STAB2: variants seen among roughly 807,000 people sequenced by gnomAD.
STAB2 encodes the protein stabilin-2.
STAB2 carries 288 observed loss-of-function variants against 338.1 expected under a neutral mutation model. The ratio of observed to expected loss-of-function variants is 0.85; its 90% CI spans 0.77 to 0.94. STAB2 has a LOEUF of 0.94. Ranked by LOEUF, STAB2 falls within the 40% of genes least tolerant of loss-of-function variation. The pLI is 0.00. For synonymous variants in STAB2, 1,202 were observed against 1,193.3 expected (o/e 1.01, Z -0.15); for missense variants, 3,141 against 3,210.1 (o/e 0.98, Z 0.52).
Position 103,748,658 on chromosome 12 carries a change from A to T in STAB2, c.6245-305A>T, listed in dbSNP as rs186773579. 9.9e-5 allele frequency among the ~76,000 whole-genome samples: 14 copies of T among 141,988 alleles called. No homozygotes were observed. The East Asian group carries it at 2.8e-3, about 28-fold the overall frequency. 93.1% of individuals were successfully genotyped at this position (141,988 alleles called of 152,430 possible). A position where few individuals can be genotyped will look rare whatever the true frequency, so the allele number is the denominator to read the frequency against. ...CACACACACACACACACACACACAC[A>T]CTGTCCTAACATTAAAAATCCAAAT... On this transcript the variant is annotated intron_variant, in intron 58 of 68. Coordinates refer to ENST00000388887, the MANE Select transcript of STAB2 (RefSeq NM_017564.10).
chr12:103,710,722 TC>T (rs1376231273), intron 39 of STAB2, among the ~76,000 whole-genome samples: 1 of 152,166 alleles, frequency 6.6e-6, no homozygotes, highest in Admixed American at 6.5e-5. Flanking sequence ...GAGTCTAAAT[TC>T]CCTCCGACAC....
At position 103,588,392 on chromosome 12, in the gene STAB2, G is replaced by A. The variant is rs575021941; in HGVS notation, c.81+835G>A. 2.0e-5 allele frequency among the ~76,000 whole-genome samples: 3 copies of A among 152,188 alleles called. No homozygotes were observed. The South Asian group carries it at 6.2e-4, about 32-fold the overall frequency. On this transcript the variant is annotated intron_variant, in intron 1 of 68. Coordinates refer to ENST00000388887, the MANE Select transcript of STAB2 (RefSeq NM_017564.10). Reference sequence around the variant, plus strand: ...ATAGGTCTGAGGATCAGTCATGATCGTCCACAGCTGTTTGACCCTGAGCAC... The same window carrying A: ...ATAGGTCTGAGGATCAGTCATGATCATCCACAGCTGTTTGACCCTGAGCAC...
chr12:103,680,454 G>A (rs1008464197), intron 25 of STAB2, among the ~76,000 whole-genome samples: 1 of 152,226 alleles, frequency 6.6e-6, no homozygotes, highest in African/African-American at 2.4e-5. Context: ...TCTTGGCTCA[G>A]CTTCTTCCCA....
intron 1 of STAB2, among the ~76,000 whole-genome samples, chr12:103,590,221 A>G (rs1392347375): frequency 6.6e-6 from 1 of 152,220 alleles, no homozygotes; most frequent in African/African-American, 2.4e-5. Flanking sequence ...AACTGTTTCT[A>G]GCACATCTGA....
Position 103,631,233 on chromosome 12 carries a change from T to C in STAB2, c.488-365T>C, listed in dbSNP as rs1957456676. On this transcript the variant is annotated intron_variant, in intron 5 of 68. Coordinates refer to ENST00000388887, the MANE Select transcript of STAB2 (RefSeq NM_017564.10). ...CTGCTACCAACAGTGACTGAGTTAG[T>C]AGTAGCTTTTCTCTTTTAAACGTAA... is the stretch of plus-strand genomic sequence containing the variant. Among the ~76,000 whole-genome samples the C allele has an allele frequency of 2.0e-5, 3 of 152,198 alleles. No individual in the cohort carries two copies. In the South Asian group the frequency reaches 6.2e-4, roughly 32 times the overall value.
chr12:103,605,161 G>T (rs1185501297), intron 3 of STAB2, among the ~76,000 whole-genome samples: 2 of 151,656 alleles, frequency 1.3e-5, no homozygotes. Context: ...ATATATTCCT[G>T]CTATTGTTTC....
intron 44 of STAB2, among the ~76,000 whole-genome samples, chr12:103,723,624 T>G (rs1266422272): frequency 6.6e-6 from 1 of 152,158 alleles, no homozygotes; most frequent in African/African-American, 2.4e-5. Flanking sequence ...CCAGATAGCA[T>G]GTATCGTGAC....
chr12:103,713,180 AAGTGCTTAGAACAGACCC>A (rs1373663024), intron 41 of STAB2, among the ~76,000 whole-genome samples: 1 of 152,254 alleles, frequency 6.6e-6, no homozygotes, highest in Non-Finnish European at 1.5e-5. Context: ...AATACCTGTG[AAGTGCTTAGAACAGACCC>A]AGCACATAGA....
chr12:103,745,959 G>A (rs1194126074), intron 57 of STAB2, among the ~76,000 whole-genome samples: 2 of 152,162 alleles, frequency 1.3e-5, no homozygotes, highest in African/African-American at 4.8e-5. Flanking sequence ...AAATGTGCTG[G>A]TTGAATTATC....
Position 103,703,428 on chromosome 12 carries a change from A to G in STAB2, c.3843+152A>G, listed in dbSNP as rs1005125020. ...TCTTTGATGTGCCAAGGAGCATACC[A>G]GGCTGTGGTTCTACAAAGATACATA... On this transcript the variant is annotated intron_variant, in intron 35 of 68. Coordinates refer to ENST00000388887, the MANE Select transcript of STAB2 (RefSeq NM_017564.10). The G allele has an allele frequency of 3.9e-6, 4 of 1,027,906 alleles. No homozygotes were observed. The African/African-American group carries it at 4.9e-5, about 13-fold the overall frequency. 63.7% of individuals were successfully genotyped at this position (1,027,906 alleles called of 1,614,324 possible). A position where few individuals can be genotyped will look rare whatever the true frequency, so the allele number is the denominator to read the frequency against.
Position 103,727,298 on chromosome 12 carries a change from G to A in STAB2, c.4883G>A (p.Gly1628Asp), listed in dbSNP as rs1386140480. 5 of 1,614,122 alleles carry A rather than the reference G, an allele frequency of 3.1e-6. No individual in the cohort carries two copies. The highest frequency in any genetic ancestry group is 4.2e-6 in the Non-Finnish European group (5 of 1,180,036). The change falls in exon 47 of 69, where the codon GGC becomes GAC. Residue 1628 changes from glycine to aspartate, a missense_variant. Physicochemically the swap from Gly to Asp is moderately conservative, Grantham distance 94. Transcript: ENST00000388887. ...EHFVKDLVGPGPFTVFAPLSA... is the reference protein window; with the variant it reads ...EHFVKDLVGPDPFTVFAPLSA... ...TTCGTGAAAGATCTGGTCGGCCCAG[G>A]CCCCTTCACTGTTTTTGCACCTTTA...
rs1358410126 is a variant in STAB2 at position 103,766,367 on chromosome 12, C to T, written c.*31C>T. On this transcript the variant is annotated 3_prime_UTR_variant, in exon 69 of 69. Transcript: ENST00000388887. Reference sequence around the variant, plus strand: ...TGGACGGGAGATGCCAGCCATCACTCACTGCCACCTGGGCCATCAACTGTG... The same window carrying T: ...TGGACGGGAGATGCCAGCCATCACTTACTGCCACCTGGGCCATCAACTGTG... The T allele has an allele frequency of 1.9e-6, 3 of 1,590,832 alleles. No individual in the cohort carries two copies. Among genetic ancestry groups the T allele is most frequent in the East Asian group, 2.2e-5 (1 of 44,660 alleles).
At chr12:103,739,557 G>GCCCA in intron 54 of STAB2, 89 bp downstream of exon 54, 2 of 937,724 alleles carry the variant, frequency 2.1e-6, no homozygotes, top group Non-Finnish European at 3.0e-6. Context: ...GTGTGTGTGT[G>GCCCA]TGTGTGTGTG....
chr12:103,683,303 G>C lies in STAB2; in HGVS notation c.2901+3G>C. On this transcript the variant is annotated splice_donor_region_variant and intron_variant, in intron 26 of 68. Transcript: ENST00000388887. ...AAACCGGGAAATGTCATCCATTGGT[G>C]AGTTATTTAACCTTGTTTTTCATTA... 6.3e-7 allele frequency: 1 copy of C among 1,583,590 alleles called. No homozygotes were observed. Among genetic ancestry groups the C allele is most frequent in the East Asian group, 2.3e-5 (1 of 44,240 alleles).
chr12:103,602,917 T>G (rs1406805385), intron 3 of STAB2, among the ~76,000 whole-genome samples: 1 of 152,222 alleles, frequency 6.6e-6, no homozygotes, highest in Non-Finnish European at 1.5e-5. Flanking sequence ...TGTATCATGC[T>G]TTTATAGATA....
At position 103,749,595 on chromosome 12, in the gene STAB2, C is replaced by T. The variant is rs530689583; in HGVS notation, c.6438+439C>T. Among the ~76,000 whole-genome samples, 62 of 150,724 alleles carry T rather than the reference C, an allele frequency of 4.1e-4. 1 individual carries two copies. The highest frequency in any genetic ancestry group is 6.1e-4 in the Non-Finnish European group (41 of 67,760). The stretch of plus-strand genomic sequence containing the variant: ...CTGTAATCCCAGTACTTTGGGAGGC[C>T]GAGGCAGATGGATCACGAGGTCAGG... On this transcript the variant is annotated intron_variant, in intron 59 of 68. Transcript: ENST00000388887.
At chr12:103,653,580 ATGGATGGATACATGGATAGGTCAC>A (rs199743197) in intron 12 of STAB2, among the ~76,000 whole-genome samples, 5 of 150,970 alleles carry the variant, frequency 3.3e-5, no homozygotes, top group African/African-American at 4.9e-5. Flanking sequence ...CACTGGATGG[ATGGATGGATACATGGATAGGTCAC>A]TGGATGGATG....
intron 13 of STAB2, 64 bp downstream of exon 13, chr12:103,654,762 C>T: frequency 6.4e-7 from 1 of 1,559,188 alleles, no homozygotes; most frequent in Non-Finnish European, 8.7e-7. Flanking sequence ...TGGAGAGTCA[C>T]ATCCAGAGCA....
chr12:103,764,138 AGAC>A lies in STAB2; in HGVS notation c.7605+531_7605+533del, dbSNP rs1176850318. Reference sequence around the variant, plus strand: ...CCAGCTAACTTTGTATTGTTAATACAGACAGGGTTTCTCCATGTTGGTCAGGCT... The same window carrying A: ...CCAGCTAACTTTGTATTGTTAATACAAGGGTTTCTCCATGTTGGTCAGGCT... On this transcript the variant is annotated intron_variant, in intron 68 of 68. Transcript: ENST00000388887. Among the ~76,000 whole-genome samples, 2 of 152,158 alleles carry A rather than the reference AGAC, an allele frequency of 1.3e-5. 1 individual carries two copies. The highest frequency in any genetic ancestry group is 2.9e-5 in the Non-Finnish European group (2 of 68,034).
Sources: allele counts gnomAD v4.1 joint callset (sites outside exome capture counted in the v4.1 genomes callset), GRCh38; gene constraint gnomAD v4.1.1; transcripts MANE v1.5; gene names NCBI Gene and HGNC (gene_info 2026-07-23, HGNC 2026-07-21).